The following STAMBP variants were observed in gnomAD, a reference collection of about 807,000 sequenced individuals.
STAMBP encodes STAM binding protein.
In STAMBP, 31 loss-of-function variants were observed where a neutral mutation model predicts 50.7. The ratio of observed to expected loss-of-function variants is 0.61; its 90% CI spans 0.46 to 0.83. STAMBP has a LOEUF of 0.83. Ranked by LOEUF, STAMBP falls within the 40% of genes least tolerant of loss-of-function variation. STAMBP has a pLI of 0.00. For synonymous variants in STAMBP, 211 were observed against 192.4 expected, an observed-to-expected ratio of 1.10 and a Z score of -0.80; for missense variants, 472 against 518.9, an observed-to-expected ratio of 0.91 and a Z score of 0.88.
intron 4 of STAMBP, 127 bp from the exon 5 acceptor site, chr2:73,847,260 T>C: frequency 8.4e-7 from 1 of 1,186,016 alleles, no homozygotes; most frequent in Non-Finnish European, 1.2e-6. Flanking sequence ...AAGCATGAAT[T>C]CTGTGTTAGG....
In STAMBP at chr2:73,850,592, A is replaced by G. The variant is rs1014447644; in HGVS notation, c.1005+79A>G. ...TAAATACATGAGTGTTTCTTTGAACAAAGTCAATTATATCCAGATTATTTA... is the reference window on the plus strand; with the variant it reads ...TAAATACATGAGTGTTTCTTTGAACGAAGTCAATTATATCCAGATTATTTA... On this transcript the variant is annotated intron_variant, in intron 7 of 9. Coordinates refer to ENST00000394070, the MANE Select transcript of STAMBP (RefSeq NM_213622.4). The surrounding 1 kb of genome is among the most constrained non-coding windows in gnomAD (Gnocchi z 4.3). 1 of 1,431,268 alleles carries G rather than the reference A, an allele frequency of 7.0e-7. No individual in the cohort carries two copies. The allele number at this position is 1,431,268 out of a possible 1,614,324, so 88.7% of individuals were successfully genotyped here. A position where few individuals can be genotyped will look rare whatever the true frequency, so the allele number is the denominator to read the frequency against.
intron 5 of STAMBP, among the ~76,000 whole-genome samples, chr2:73,848,612 T>C (rs888906626): frequency 2.0e-5 from 3 of 152,146 alleles, no homozygotes; most frequent in Non-Finnish European, 4.4e-5. Context: ...GAGTGGAAAG[T>C]CCAAGACCCA....
intron 4 of STAMBP, among the ~76,000 whole-genome samples, chr2:73,845,979 A>G (rs58787134): frequency 0.066 from 10,116 of 152,258 alleles, 668 homozygotes; most frequent in African/African-American, 0.16. Flanking sequence ...CAGTTAAAAC[A>G]TGTGGAGAAA....
downstream of STAMBP, among the ~76,000 whole-genome samples, chr2:73,869,369 C>T (rs1679104276): frequency 6.6e-6 from 1 of 152,088 alleles, no homozygotes; most frequent in South Asian, 2.1e-4. Flanking sequence ...TTCAGAGGAA[C>T]ATGAAGAAAA....
intron 7 of STAMBP, among the ~76,000 whole-genome samples, chr2:73,858,669 TAAAAA>T (rs748823555): frequency 2.6e-5 from 4 of 152,138 alleles, no homozygotes; most frequent in Non-Finnish European, 5.9e-5. Context: ...CTCTTGAACT[TAAAAA>T]AGGAAAGAAA....
At position 73,847,498 on chromosome 2, in the gene STAMBP, C is replaced by G. The variant is rs1488661358; in HGVS notation, c.487C>G (p.His163Asp). The G allele has an allele frequency of 6.2e-7, 1 of 1,614,174 alleles. No individual in the cohort carries two copies. Among genetic ancestry groups the G allele is most frequent in the East Asian group, 2.2e-5 (1 of 44,890 alleles). The change falls in exon 5 of 10, where the codon CAT becomes GAT. Residue 163 changes from histidine (H) to aspartate (D), a missense_variant. By Grantham distance (81) the His-to-Asp change is moderately conservative. Coordinates refer to ENST00000394070, the MANE Select transcript of STAMBP (RefSeq NM_213622.4). ...GCAGCAATTGGAACAGGAACAGTTC[C>G]ATGCCTTCGAGGAGATGATCCGGAA... Reference protein sequence around the residue: ...KQQQLEQEQFHAFEEMIRNQE... With the variant: ...KQQQLEQEQFDAFEEMIRNQE...
chr2:73,849,233 C>A (rs1573337061), intron 5 of STAMBP, 130 bp from the exon 6 acceptor site: 1 of 1,355,998 alleles, frequency 7.4e-7, no homozygotes, highest in Non-Finnish European at 1.0e-6. Context: ...AGAATGAGAT[C>A]CCTACTCACT....
chr2:73,871,942 A>AT (rs1400008214), downstream of STAMBP, among the ~76,000 whole-genome samples: 20 of 146,990 alleles, frequency 1.4e-4, no homozygotes, highest in East Asian at 1.0e-3. Context: ...TAATTTTTGT[A>AT]TTTTTTTTTT....
At chr2:73,845,047 G>C in intron 3 of STAMBP, 120 bp from the exon 4 acceptor site, 4 of 1,539,104 alleles carry the variant, frequency 2.6e-6, no homozygotes, top group Non-Finnish European at 2.6e-6. Context: ...GTATGGTACA[G>C]TAGGGGGTAT....
At chr2:73,836,765 G>A (rs1015327107) in intron 2 of STAMBP, among the ~76,000 whole-genome samples, 4 of 152,224 alleles carry the variant, frequency 2.6e-5, no homozygotes, top group African/African-American at 9.6e-5. Flanking sequence ...TAGGCCCTGC[G>A]GCCAGAGGCT....
Position 73,831,075 on chromosome 2 carries a change from T to A in STAMBP, c.203+16T>A, listed in dbSNP as rs1453210572. Reference sequence around the variant, plus strand: ...AGTATATCACGTAAGACACCTACAGTTTCCTTTTTCCTTTCTGGTGACTGG... The same window carrying A: ...AGTATATCACGTAAGACACCTACAGATTCCTTTTTCCTTTCTGGTGACTGG... On this transcript the variant is annotated intron_variant, in intron 2 of 9. Coordinates refer to ENST00000394070, the MANE Select transcript of STAMBP (RefSeq NM_213622.4). 1 of 1,606,482 alleles carries A rather than the reference T, an allele frequency of 6.2e-7. No individual in the cohort carries two copies. The highest frequency in any genetic ancestry group is 8.5e-7 in the Non-Finnish European group (1 of 1,173,260).
At chr2:73,859,733 A>C (rs199732516) in intron 8 of STAMBP, among the ~76,000 whole-genome samples, 2 of 117,298 alleles carry the variant, frequency 1.7e-5, no homozygotes, top group Middle Eastern at 8.1e-3. Context: ...AATAAAAATA[A>C]AAAATAAGAA....
chr2:73,861,712 AG>A (rs1211703116), intron 9 of STAMBP, among the ~76,000 whole-genome samples: 1 of 130,474 alleles, frequency 7.7e-6, no homozygotes, highest in East Asian at 2.3e-4. Flanking sequence ...TTTTTTTAGT[AG>A]GGTCAGGGTT....
At chr2:73,861,930 G>A (rs1678378011) in intron 9 of STAMBP, among the ~76,000 whole-genome samples, 1 of 152,084 alleles carries the variant, frequency 6.6e-6, no homozygotes, top group Non-Finnish European at 1.5e-5. Context: ...TTGAGGTCAG[G>A]AGTTCAAGTC....
Position 73,866,071 on chromosome 2 carries a change from G to A in STAMBP, c.*3812G>A, listed in dbSNP as rs912502398. The A allele has an allele frequency of 3.9e-5, 6 of 152,208 alleles. No homozygotes were observed. Among genetic ancestry groups the A allele is most frequent in the Admixed American group, 2.0e-4 (3 of 15,286 alleles). The allele number at this position is 152,208 out of a possible 1,614,324, so 9.4% of individuals were successfully genotyped here. A position where few individuals can be genotyped will look rare whatever the true frequency, so the allele number is the denominator to read the frequency against. On this transcript the variant is annotated 3_prime_UTR_variant, in exon 10 of 10. Transcript: ENST00000394070. ...TGTTGTTCCAACTACTTCTTGAGAT[G>A]AAGGAAGGGCAGAACATTGGCCCTC...
intron 7 of STAMBP, among the ~76,000 whole-genome samples, chr2:73,851,101 C>G (rs1014477144): frequency 6.6e-6 from 1 of 152,144 alleles, no homozygotes; most frequent in Admixed American, 6.5e-5. Context: ...CTCTCATAGC[C>G]CAAGCTGCAT....
rs1006072205 is a variant in STAMBP at position 73,832,108 on chromosome 2, T to TATATATTATATATATATAC, written c.203+1050_203+1051insTATATTATATATATATACA. 1.6e-5 allele frequency among the ~76,000 whole-genome samples: 2 copies of TATATATTATATATATATAC among 122,902 alleles called. 1 individual carries two copies. The highest frequency in any genetic ancestry group is 3.2e-5 in the Non-Finnish European group (2 of 61,694). 80.6% of individuals were successfully genotyped at this position (122,902 alleles called of 152,430 possible). On this transcript the variant is annotated intron_variant, in intron 2 of 9. Transcript: ENST00000394070. ...ACATATATATATATATATATATATA[T>TATATATTATATATATATAC]ACACATATATATGGTGCACAATTCA...
chr2:73,834,228 AAAAAAAAAAT>A (rs1674363554), intron 2 of STAMBP, among the ~76,000 whole-genome samples: 1 of 23,518 alleles, frequency 4.3e-5, no homozygotes, highest in African/African-American at 1.5e-4. Context: ...AAAAAAAAAA[AAAAAAAAAAT>A]ATATATATAT....
chr2:73,845,205 G>C lies in STAMBP; in HGVS notation c.318G>C (p.Leu106=), dbSNP rs1389979778. The change falls in exon 4 of 10, where the codon CTG becomes CTC. Residue 106 remains leucine (L), a synonymous_variant. Transcript: ENST00000394070. ...KEIAFPKAEE[L]KAELLKRYTK... ...TTGCATTTCCCAAAGCAGAAGAGCT[G>C]AAGGCAGAGCTGTTAAAACGATATA... 3.7e-6 allele frequency: 6 copies of C among 1,614,008 alleles called. No homozygotes were observed. In the Admixed American group the frequency reaches 1.0e-4, roughly 27 times the overall value.
Sources: gnomAD v4.1 joint callset for allele counts (sites outside exome capture counted in the v4.1 genomes callset) on GRCh38, gnomAD v4.1.1 for gene constraint, Gnocchi (gnomAD v3.1) non-coding constraint, MANE v1.5 for transcripts, NCBI Gene and HGNC (gene_info 2026-07-23, HGNC 2026-07-21) for gene names.